CLPB: variants seen among roughly 807,000 people sequenced by gnomAD.
The protein encoded by CLPB is mitochondrial disaggregase.
In CLPB, 40 loss-of-function variants were observed where a neutral mutation model predicts 78.4. The ratio of observed to expected loss-of-function variants is 0.51; its 90% CI spans 0.40 to 0.66. CLPB has a LOEUF of 0.66. Ranked by LOEUF, CLPB falls within the 30% of genes least tolerant of loss-of-function variation. The pLI is 0.00. For missense variants in CLPB, 780 were observed against 886.9 expected (o/e 0.88, Z 1.53); for synonymous variants, 333 against 348.0 (o/e 0.96, Z 0.48).
intron 2 of CLPB, among the ~76,000 whole-genome samples, chr11:72,416,951 A>C (rs1856044338): frequency 6.6e-6 from 1 of 152,096 alleles, no homozygotes; most frequent in African/African-American, 2.4e-5. Context: ...AAAAGGTAGA[A>C]CCCTCACACG....
intron 3 of CLPB, among the ~76,000 whole-genome samples, chr11:72,402,131 A>C (rs1350326583): frequency 6.6e-6 from 1 of 152,026 alleles, no homozygotes; most frequent in Non-Finnish European, 1.5e-5. Flanking sequence ...GTGATGGTGC[A>C]TACCTGTAGT....
intron 2 of CLPB, among the ~76,000 whole-genome samples, chr11:72,404,947 C>G (rs1246941241): frequency 6.6e-6 from 1 of 152,172 alleles, no homozygotes; most frequent in Non-Finnish European, 1.5e-5. Flanking sequence ...ACGCTAAGAA[C>G]CCTGTCTAAT....
chr11:72,400,985 C>T (rs2135076561), intron 3 of CLPB, among the ~76,000 whole-genome samples: 1 of 152,242 alleles, frequency 6.6e-6, no homozygotes. Flanking sequence ...TAGCACAGGG[C>T]CTGGCTCAAG....
At chr11:72,402,904 C>A in intron 3 of CLPB, 62 bp downstream of exon 3, 1 of 1,421,528 alleles carries the variant, frequency 7.0e-7, no homozygotes, top group Non-Finnish European at 9.9e-7. Context: ...TGGGAGAGTG[C>A]TCAGGAGCAC....
chr11:72,321,091 T>C (rs1378909616), intron 6 of CLPB, among the ~76,000 whole-genome samples: 3 of 152,036 alleles, frequency 2.0e-5, no homozygotes, highest in Middle Eastern at 3.4e-3. Flanking sequence ...GAGATATATA[T>C]ATATATTCTA....
At chr11:72,348,296 TA>T (rs1371359862) in intron 5 of CLPB, among the ~76,000 whole-genome samples, 1 of 152,176 alleles carries the variant, frequency 6.6e-6, no homozygotes, top group Non-Finnish European at 1.5e-5. Flanking sequence ...CAATGGTCAC[TA>T]AACAAACACA....
chr11:72,378,744 T>C (rs1854801439), intron 4 of CLPB, among the ~76,000 whole-genome samples: 1 of 152,304 alleles, frequency 6.6e-6, no homozygotes, highest in Non-Finnish European at 1.5e-5. Flanking sequence ...GTGGTACTCA[T>C]GAAATTCTCT....
At chr11:72,317,862 G>A (rs1430837767) in intron 6 of CLPB, among the ~76,000 whole-genome samples, 1 of 152,238 alleles carries the variant, frequency 6.6e-6, no homozygotes, top group Non-Finnish European at 1.5e-5. Context: ...GGTCTGGCAT[G>A]TCTGGCCCTG....
intron 6 of CLPB, among the ~76,000 whole-genome samples, chr11:72,318,775 C>T (rs375084352): frequency 5.3e-5 from 8 of 152,324 alleles, no homozygotes; most frequent in South Asian, 2.1e-4. Context: ...AATAATTCGG[C>T]GCCAATCCCA....
intron 7 of CLPB, among the ~76,000 whole-genome samples, chr11:72,316,215 G>T (rs1163677196): frequency 2.0e-5 from 3 of 152,216 alleles, no homozygotes; most frequent in Non-Finnish European, 4.4e-5. Context: ...TGAAGGGCCT[G>T]TTAACATACA....
chr11:72,320,133 T>TAAG (rs1480492240), intron 6 of CLPB, among the ~76,000 whole-genome samples: 3,348 of 152,290 alleles, frequency 0.022, 117 homozygotes, highest in African/African-American at 0.077. Context: ...TTTCCTTACG[T>TAAG]GATAGAGAAT....
At chr11:72,415,214 C>CA (rs1045058912) in intron 2 of CLPB, among the ~76,000 whole-genome samples, 10 of 150,152 alleles carry the variant, frequency 6.7e-5, no homozygotes, top group South Asian at 2.1e-4. Flanking sequence ...GACTCCGTCT[C>CA]AAAAAAAAAG....
At chr11:72,361,451 G>C (rs1215406202) in intron 4 of CLPB, among the ~76,000 whole-genome samples, 1 of 152,298 alleles carries the variant, frequency 6.6e-6, no homozygotes, top group Non-Finnish European at 1.5e-5. Context: ...ATCAAATCAT[G>C]CTAGGTGATC....
chr11:72,313,776 C>T (rs1259857777), intron 7 of CLPB, among the ~76,000 whole-genome samples: 2 of 152,188 alleles, frequency 1.3e-5, no homozygotes, highest in Non-Finnish European at 2.9e-5. Context: ...TCCTTCACCT[C>T]AAGCATTTAT....
Position 72,321,298 on chromosome 11 carries a change from G to A in CLPB, c.874-4078C>T, listed in dbSNP as rs369308483. On this transcript the variant is annotated intron_variant, in intron 6 of 15. Coordinates refer to ENST00000538039, the MANE Select transcript of CLPB (RefSeq NM_001258392.3). ...AGAGGGCACTGAGCTGAGAGGCACC[G>A]TAAAGGAGCCACCCAGGAGAGCAGG... Among the ~76,000 whole-genome samples the A allele has an allele frequency of 1.6e-4, 25 of 152,274 alleles. No individual in the cohort carries two copies. In the East Asian group the frequency reaches 1.7e-3, roughly 11 times the overall value.
intron 5 of CLPB, among the ~76,000 whole-genome samples, chr11:72,351,012 G>C (rs1316006469): frequency 6.6e-6 from 1 of 152,168 alleles, no homozygotes; most frequent in Non-Finnish European, 1.5e-5. Flanking sequence ...CCCTCCCCCA[G>C]ATAACTGCTA....
intron 4 of CLPB, among the ~76,000 whole-genome samples, chr11:72,377,602 T>C: frequency 8.1e-6 from 1 of 124,014 alleles, no homozygotes; most frequent in African/African-American, 3.3e-5. Flanking sequence ...AATCCAGAGG[T>C]TGACCAGGAA....
Position 72,293,611 on chromosome 11 carries a change from T to A in CLPB, c.1790A>T (p.Glu597Val). The A allele has an allele frequency of 6.2e-7, 1 of 1,610,378 alleles. No individual in the cohort carries two copies. Among genetic ancestry groups the A allele is most frequent in the Non-Finnish European group, 8.5e-7 (1 of 1,177,068 alleles). The part of the protein sequence containing the change: ...YGARSIKHEV[E>V]RRVVNQLAAA... ...TGCCAGCTGGTTCACCACACGGCGT[T>A]CTACCTGTCGGTGGGGAGGTGAAGT... The change falls in exon 16 of 16, where the codon GAA becomes GTA. Residue 597 changes from glutamate (E) to valine (V), a missense_variant. This residue lies in a region of CLPB where 272 missense variants were observed against 304.0 expected (regional missense o/e 0.89). Coordinates refer to ENST00000538039, the MANE Select transcript of CLPB (RefSeq NM_001258392.3).
chr11:72,395,697 C>T (rs1855386117), intron 3 of CLPB, among the ~76,000 whole-genome samples: 1 of 152,190 alleles, frequency 6.6e-6, no homozygotes, highest in Admixed American at 6.5e-5. Context: ...CAGCACGAAG[C>T]CAGACCAAGA....
Sources: allele counts gnomAD v4.1 joint callset (sites outside exome capture counted in the v4.1 genomes callset), GRCh38; gene constraint gnomAD v4.1.1; regional missense constraint gnomAD v4.1.1; transcripts MANE v1.5; gene names NCBI Gene and HGNC (gene_info 2026-07-23, HGNC 2026-07-21).